Variants in CALN1 observed in about 807,000 individuals in gnomAD.
CALN1 encodes calcium-binding protein 8.
Under a neutral mutation model 30.6 loss-of-function variants are expected in CALN1, and 17 were observed. That is an observed-to-expected ratio of 0.56 (90% CI 0.38 to 0.83). The LOEUF is 0.83. Among genes scored for constraint, CALN1 ranks in the 40% least tolerant of loss-of-function variants. The pLI, the probability that CALN1 is intolerant of heterozygous loss-of-function variation, is 0.00. For synonymous variants in CALN1, 156 were observed against 131.4 expected, an observed-to-expected ratio of 1.19 and a Z score of -1.28; for missense variants, 291 against 354.9, an observed-to-expected ratio of 0.82 and a Z score of 1.45.
chr7:71,846,672 G>T (rs969592188), intron 5 of CALN1, among the ~76,000 whole-genome samples: 1 of 149,802 alleles, frequency 6.7e-6, no homozygotes, highest in African/African-American at 2.5e-5. Context: ...TATTCTGTGG[G>T]GTTTTATTTA....
At chr7:72,220,739 CTGGTGTG>C in intron 3 of CALN1, among the ~76,000 whole-genome samples, 1 of 151,128 alleles carries the variant, frequency 6.6e-6, no homozygotes, top group South Asian at 2.1e-4. Flanking sequence ...GCCATTCTAA[CTGGTGTG>C]AGATGGCATC....
At chr7:72,231,168 G>A (rs1480984803) in intron 3 of CALN1, among the ~76,000 whole-genome samples, 1 of 151,842 alleles carries the variant, frequency 6.6e-6, no homozygotes, top group Non-Finnish European at 1.5e-5. Context: ...CACAGGATGT[G>A]CAGGTTTGTT....
intron 5 of CALN1, among the ~76,000 whole-genome samples, chr7:72,013,319 A>C (rs1800197993): frequency 7.4e-6 from 1 of 134,898 alleles, no homozygotes; most frequent in South Asian, 2.2e-4. Flanking sequence ...TGACGTGATC[A>C]TGGCTCACTG....
chr7:72,501,944 T>TAC, the CALN1 span, among the ~76,000 whole-genome samples: 1 of 79,618 alleles, frequency 1.3e-5, no homozygotes, highest in African/African-American at 6.7e-5. Context: ...TATATATATA[T>TAC]ATATACACAC....
intron 2 of CALN1, among the ~76,000 whole-genome samples, chr7:72,284,049 G>C (rs1797909772): frequency 6.6e-6 from 1 of 152,162 alleles, no homozygotes; most frequent in South Asian, 2.1e-4. Flanking sequence ...TCAGCATTTT[G>C]GGAGGCTGAT....
chr7:72,208,455 G>T (rs1792054785), intron 3 of CALN1, among the ~76,000 whole-genome samples: 1 of 152,176 alleles, frequency 6.6e-6, no homozygotes, highest in Non-Finnish European at 1.5e-5. Flanking sequence ...AGCCACTCAG[G>T]CATGTCCATG....
intron 2 of CALN1, among the ~76,000 whole-genome samples, chr7:72,402,355 T>C (rs1487842937): frequency 6.6e-6 from 1 of 152,124 alleles, no homozygotes; most frequent in African/African-American, 2.4e-5. Context: ...CAAAAATACA[T>C]CCACTTCCTT....
intron 1 of CALN1, among the ~76,000 whole-genome samples, chr7:72,445,816 A>T (rs1808508566): frequency 6.6e-6 from 1 of 152,086 alleles, no homozygotes; most frequent in Non-Finnish European, 1.5e-5. Flanking sequence ...TTAGCTGCAA[A>T]CGCGGTAACT....
intron 2 of CALN1, among the ~76,000 whole-genome samples, chr7:72,324,195 G>C (rs1203626311): frequency 6.6e-6 from 1 of 152,108 alleles, no homozygotes; most frequent in Non-Finnish European, 1.5e-5. Context: ...TAGAGCATTG[G>C]AATTTTTAAG....
chr7:72,256,367 G>A (rs1408599129), intron 3 of CALN1, among the ~76,000 whole-genome samples: 1 of 152,062 alleles, frequency 6.6e-6, no homozygotes, highest in African/African-American at 2.4e-5. Flanking sequence ...GGCTGAGGTA[G>A]GAAGATCACT....
At chr7:72,057,642 C>G (rs1034669746) in intron 4 of CALN1, among the ~76,000 whole-genome samples, 1 of 151,704 alleles carries the variant, frequency 6.6e-6, no homozygotes, top group Non-Finnish European at 1.5e-5. Context: ...GTTTTCCAGT[C>G]CTTTTTACTT....
chr7:72,141,924 C>A (rs1809971244), intron 3 of CALN1, among the ~76,000 whole-genome samples: 2 of 152,162 alleles, frequency 1.3e-5, no homozygotes, highest in South Asian at 4.1e-4. Context: ...CTTGATTACA[C>A]CTGCACAGTG....
chr7:71,984,568 G>C (rs1447368575), intron 5 of CALN1, among the ~76,000 whole-genome samples: 1 of 152,168 alleles, frequency 6.6e-6, no homozygotes, highest in Non-Finnish European at 1.5e-5. Context: ...AGTGACTCAT[G>C]AACATGTGGA....
At chr7:71,883,096 A>G (rs934897173) in intron 5 of CALN1, among the ~76,000 whole-genome samples, 3 of 151,516 alleles carry the variant, frequency 2.0e-5, no homozygotes, top group Admixed American at 6.6e-5. Flanking sequence ...CACATGAAAT[A>G]CTATGAGGAT....
chr7:72,364,034 A>G (rs1803726684), intron 2 of CALN1, among the ~76,000 whole-genome samples: 1 of 151,034 alleles, frequency 6.6e-6, no homozygotes. Context: ...GGTGCCCGGC[A>G]CAAAATGTGT....
At chr7:71,861,310 A>C (rs1260270256) in intron 5 of CALN1, among the ~76,000 whole-genome samples, 1 of 152,156 alleles carries the variant, frequency 6.6e-6, no homozygotes, top group Non-Finnish European at 1.5e-5. Context: ...CCCTGACTTC[A>C]AGAAATGTAT....
At chr7:72,501,928 A>AAAAAAAAAATATATAT in the CALN1 span, among the ~76,000 whole-genome samples, 1 of 57,968 alleles carries the variant, frequency 1.7e-5, no homozygotes, top group Non-Finnish European at 3.1e-5. Context: ...AAAAAAAAAA[A>AAAAAAAAAATATATAT]ATATATATAT....
At chr7:72,337,956 G>A (rs1346040102) in intron 2 of CALN1, among the ~76,000 whole-genome samples, 1 of 151,754 alleles carries the variant, frequency 6.6e-6, no homozygotes, top group Non-Finnish European at 1.5e-5. Flanking sequence ...CGCCCAGACA[G>A]ACCCCTGCCC....
chr7:72,322,834 A>G (rs1800981401), intron 2 of CALN1, among the ~76,000 whole-genome samples: 1 of 152,064 alleles, frequency 6.6e-6, no homozygotes, highest in South Asian at 2.1e-4. Flanking sequence ...CAAGGGATAA[A>G]CGTTTGAGGG....
Sources: allele counts gnomAD v4.1 joint callset (sites outside exome capture counted in the v4.1 genomes callset), GRCh38; gene constraint gnomAD v4.1.1; transcripts MANE v1.5; gene names NCBI Gene and HGNC (gene_info 2026-07-23, HGNC 2026-07-21).